The following EDA variants were observed in gnomAD, a reference collection of about 807,000 sequenced individuals.
EDA encodes ectodysplasin A.
A neutral mutation model predicts 23.6 loss-of-function variants in EDA; 2 were observed. The ratio of observed to expected loss-of-function variants is 0.08; its 90% confidence interval spans 0.03 to 0.27. The LOEUF (loss-of-function observed/expected upper bound fraction) is 0.27. EDA is among the 10% of genes least tolerant of loss of function. The pLI is 1.00. For missense variants in EDA, 229 were observed against 324.2 expected (o/e 0.71, Z 2.26); for synonymous variants, 131 against 132.0 (o/e 0.99, Z 0.05).
chrX:69,739,750 A>T (rs2013390125), intron 1 of EDA, among the ~76,000 whole-genome samples: 1 of 110,985 alleles, frequency 9.0e-6, no homozygotes, highest in Non-Finnish European at 1.9e-5. Flanking sequence ...AGATATAGAC[A>T]CTTTACTCCT....
At chrX:70,022,141 A>C (rs1184409422) in intron 2 of EDA, among the ~76,000 whole-genome samples, 1 of 109,868 alleles carries the variant, frequency 9.1e-6, no homozygotes, top group African/African-American at 3.3e-5. Context: ...GGAAAAAAAA[A>C]ATGACTGTCT....
chrX:69,784,431 C>A (rs1302015095), intron 1 of EDA, among the ~76,000 whole-genome samples: 1 of 95,533 alleles, frequency 1.0e-5, no homozygotes, highest in Non-Finnish European at 2.1e-5. Context: ...TTAGGTCTAA[C>A]ATTTAAGTCT....
intron 1 of EDA, among the ~76,000 whole-genome samples, chrX:69,896,398 A>AGT (rs373119823): frequency 0.073 from 7,070 of 97,209 alleles, 249 homozygotes; most frequent in Non-Finnish European, 0.078. Flanking sequence ...TATGTGCATC[A>AGT]GTGTGTGTGT....
chrX:69,634,065 G>A (rs1932704472), intron 1 of EDA, among the ~76,000 whole-genome samples: 1 of 111,848 alleles, frequency 8.9e-6, no homozygotes, highest in African/African-American at 3.3e-5. Context: ...CTGAGCATAA[G>A]GTGATATCTA....
At chrX:69,761,919 C>T (rs1893480709) in intron 1 of EDA, among the ~76,000 whole-genome samples, 1 of 111,197 alleles carries the variant, frequency 9.0e-6, no homozygotes, top group South Asian at 3.8e-4. Context: ...TGAATTAGAA[C>T]ATAGGGAGTC....
At chrX:69,847,724 CT>C (rs986954923) in intron 1 of EDA, among the ~76,000 whole-genome samples, 4 of 108,925 alleles carry the variant, frequency 3.7e-5, no homozygotes, top group South Asian at 7.9e-4. Context: ...CAAGTTTCAG[CT>C]TTTTTTTTCC....
chrX:69,820,189 A>G (rs34015019), intron 1 of EDA, among the ~76,000 whole-genome samples: 1 of 112,064 alleles, frequency 8.9e-6, no homozygotes, highest in Non-Finnish European at 1.9e-5. Context: ...CTATCTAGCC[A>G]TATGTGGAAA....
rs996484750 is a variant in EDA at position 69,807,061 on chromosome X, C to T, written c.397-149966C>T. 3.6e-5 allele frequency among the ~76,000 whole-genome samples: 4 copies of T among 110,534 alleles called. 1 individual carries two copies. The highest frequency in any genetic ancestry group is 9.7e-5 in the Admixed American group (1 of 10,327). ...CCCAGTGATTTTACAAAGAAATTTT[C>T]TAGTTATATACCATCCACATTTTAA... On this transcript the variant is annotated intron_variant, in intron 1 of 7. Coordinates refer to ENST00000374552, the MANE Select transcript of EDA (RefSeq NM_001399.5).
intron 1 of EDA, among the ~76,000 whole-genome samples, chrX:69,821,042 A>G (rs1228966459): frequency 9.0e-6 from 1 of 111,648 alleles, no homozygotes; most frequent in Non-Finnish European, 1.9e-5. Flanking sequence ...TACACCATGG[A>G]ATACTATGCA....
intron 1 of EDA, among the ~76,000 whole-genome samples, chrX:69,932,947 T>G (rs781659367): frequency 9.0e-6 from 1 of 111,216 alleles, no homozygotes; most frequent in South Asian, 3.8e-4. Flanking sequence ...TTCTTTTTTT[T>G]TTTGAGGAAT....
intron 1 of EDA, among the ~76,000 whole-genome samples, chrX:69,793,661 T>C (rs1373350014): frequency 1.9e-5 from 2 of 107,443 alleles, no homozygotes; most frequent in African/African-American, 6.8e-5. Context: ...AGGCCTGTTA[T>C]GCTCTTTTCT....
chrX:69,948,308 A>G (rs1259735764), intron 1 of EDA, among the ~76,000 whole-genome samples: 2 of 112,578 alleles, frequency 1.8e-5, no homozygotes, highest in African/African-American at 3.2e-5. Flanking sequence ...CAAACTGCCT[A>G]GGAAGCAGAA....
chrX:69,750,092 T>C (rs2013777673), intron 1 of EDA, among the ~76,000 whole-genome samples: 1 of 106,737 alleles, frequency 9.4e-6, no homozygotes, highest in Admixed American at 1.0e-4. Flanking sequence ...TATGTATACA[T>C]GTGCCATGTT....
intron 1 of EDA, among the ~76,000 whole-genome samples, chrX:69,951,997 C>A (rs2018934622): frequency 8.9e-6 from 1 of 112,023 alleles, no homozygotes; most frequent in African/African-American, 3.3e-5. Flanking sequence ...CAACTTGCCT[C>A]TGGAGGCTAT....
intron 1 of EDA, among the ~76,000 whole-genome samples, chrX:69,767,670 A>G (rs2014510930): frequency 8.9e-6 from 1 of 112,033 alleles, no homozygotes; most frequent in African/African-American, 3.2e-5. Context: ...GATAAATGCT[A>G]TGAACATTTG....
chrX:69,681,303 G>C (rs1375026399), intron 1 of EDA, among the ~76,000 whole-genome samples: 2 of 108,652 alleles, frequency 1.8e-5, no homozygotes, highest in African/African-American at 3.4e-5. Context: ...ATGTGTCTTG[G>C]AGTTGCTCTT....
chrX:69,751,422 C>T (rs1356669175), intron 1 of EDA, among the ~76,000 whole-genome samples: 5 of 112,510 alleles, frequency 4.4e-5, no homozygotes, highest in South Asian at 7.2e-4. Context: ...GTTTTGGTTA[C>T]GGTGGCCTTG....
chrX:69,988,939 A>T (rs758221906), intron 2 of EDA, among the ~76,000 whole-genome samples: 8 of 111,652 alleles, frequency 7.2e-5, no homozygotes, highest in Non-Finnish European at 1.3e-4. Flanking sequence ...GGTGCTAGGG[A>T]GGCCCGGTGG....
At position 69,721,198 on chromosome X, in the gene EDA, C is replaced by T. The variant is rs188405026; in HGVS notation, c.396+104494C>T. Reference sequence around the variant, plus strand: ...TTTCCCAAGGCCTACCATTGATTGTCTCTGGAAGAAGGAAGGGCATGGTGG... The same window carrying T: ...TTTCCCAAGGCCTACCATTGATTGTTTCTGGAAGAAGGAAGGGCATGGTGG... On this transcript the variant is annotated intron_variant, in intron 1 of 7. Transcript: ENST00000374552. Among the ~76,000 whole-genome samples, 439 of 111,612 alleles carry T rather than the reference C, an allele frequency of 3.9e-3. 2 individuals are homozygous for T. The highest frequency in any genetic ancestry group is 8.0e-3 in the Admixed American group (84 of 10,527).
Sources: gnomAD v4.1 joint callset for allele counts (sites outside exome capture counted in the v4.1 genomes callset) on GRCh38, gnomAD v4.1.1 for gene constraint, MANE v1.5 for transcripts, NCBI Gene and HGNC (gene_info 2026-07-23, HGNC 2026-07-21) for gene names.